The following DOCK3 variants were observed in gnomAD, a reference collection of about 807,000 sequenced individuals.
DOCK3 encodes the protein dedicator of cytokinesis 3, also known as dedicator of cytokinesis protein 3.
In DOCK3, 60 loss-of-function variants were observed where a neutral mutation model predicts 265.6. The ratio of observed to expected loss-of-function variants is 0.23; its 90% CI spans 0.18 to 0.28. The LOEUF (loss-of-function observed/expected upper bound fraction) is 0.28, where lower values mean the gene tolerates loss of function less well. Among genes scored for constraint, DOCK3 ranks in the 10% least tolerant of loss-of-function variants. The pLI, the probability that DOCK3 is intolerant of heterozygous loss-of-function variation, is 1.00. For synonymous variants in DOCK3, 881 were observed against 938.0 expected, an observed-to-expected ratio of 0.94 and a Z score of 1.11; for missense variants, 1,981 against 2,594.3, an observed-to-expected ratio of 0.76 and a Z score of 5.14.
chr3:50,987,804 G>A (rs1033175499), intron 5 of DOCK3, among the ~76,000 whole-genome samples: 1 of 152,182 alleles, frequency 6.6e-6, no homozygotes, highest in African/African-American at 2.4e-5. Context: ...AACTCATGCT[G>A]CTTCCATGGA....
intron 3 of DOCK3, among the ~76,000 whole-genome samples, chr3:50,861,815 G>A (rs565796735): frequency 9.6e-5 from 14 of 145,622 alleles, no homozygotes; most frequent in African/African-American, 3.5e-4. Flanking sequence ...TGAGCCTTTG[G>A]GTGTCATTAC....
At chr3:51,034,846 T>A (rs2080196397) in intron 5 of DOCK3, among the ~76,000 whole-genome samples, 1 of 152,090 alleles carries the variant, frequency 6.6e-6, no homozygotes, top group Non-Finnish European at 1.5e-5. Flanking sequence ...ACAGTCTTTA[T>A]TTCTAGATAT....
intron 14 of DOCK3, among the ~76,000 whole-genome samples, chr3:51,215,454 T>C (rs530154504): frequency 3.2e-4 from 49 of 152,236 alleles, no homozygotes; most frequent in Non-Finnish European, 5.6e-4. Flanking sequence ...AATGCTTTGC[T>C]AAAAGCTTAT....
At chr3:50,946,722 A>G (rs2076438921) in intron 5 of DOCK3, among the ~76,000 whole-genome samples, 3 of 152,342 alleles carry the variant, frequency 2.0e-5, no homozygotes, top group African/African-American at 7.2e-5. Flanking sequence ...TGCTTGTAGC[A>G]GACTGCATTG....
In DOCK3 at chr3:50,675,173, C is replaced by G; in HGVS notation, c.-91C>G. On this transcript the variant is annotated 5_prime_UTR_variant, in exon 1 of 53. Transcript: ENST00000266037. This position sits in a 1 kb window ranked among gnomAD's most constrained non-coding sequence, Gnocchi z 6.1. Reference sequence around the variant, plus strand: ...CCGCGCCGCCTGACCGTCCCCGCCTCGACTCGCGGTGCGCCACAGCCGGGC... The same window carrying G: ...CCGCGCCGCCTGACCGTCCCCGCCTGGACTCGCGGTGCGCCACAGCCGGGC... 2.1e-6 allele frequency: 2 copies of G among 942,852 alleles called. No homozygotes were observed. Among genetic ancestry groups the G allele is most frequent in the South Asian group, 9.8e-5 (2 of 20,492 alleles). 58.4% of individuals were successfully genotyped at this position (942,852 alleles called of 1,614,324 possible). A position where few individuals can be genotyped will look rare whatever the true frequency, so the allele number is the denominator to read the frequency against.
intron 3 of DOCK3, among the ~76,000 whole-genome samples, chr3:50,846,794 T>A (rs185821052): frequency 1.9e-3 from 286 of 152,310 alleles, no homozygotes; most frequent in Admixed American, 3.7e-3. Context: ...TCCAATTTGC[T>A]GTAGATCTTC....
intron 12 of DOCK3, among the ~76,000 whole-genome samples, chr3:51,193,539 G>T (rs2088078844): frequency 6.6e-6 from 1 of 152,058 alleles, no homozygotes; most frequent in African/African-American, 2.4e-5. Context: ...GTATCCATCT[G>T]GTCCTGGGCT....
intron 2 of DOCK3, among the ~76,000 whole-genome samples, chr3:50,836,153 T>C (rs1031476995): frequency 3.3e-5 from 5 of 152,356 alleles, no homozygotes; most frequent in Middle Eastern, 6.8e-3. Context: ...TTCTAATTCC[T>C]GGGGATCCCA....
At chr3:50,840,279 TAA>T (rs2045754428) in intron 2 of DOCK3, among the ~76,000 whole-genome samples, 1 of 152,196 alleles carries the variant, frequency 6.6e-6, no homozygotes, top group South Asian at 2.1e-4. Flanking sequence ...GTGTTGTAGT[TAA>T]AAAGTCATTG....
chr3:51,011,719 G>C (rs1244223343), intron 5 of DOCK3, among the ~76,000 whole-genome samples: 2 of 152,134 alleles, frequency 1.3e-5, no homozygotes, highest in Non-Finnish European at 2.9e-5. Context: ...AGAATTTTCA[G>C]CTTTTCTGCT....
At chr3:51,066,424 A>G (rs1343525177) in intron 6 of DOCK3, among the ~76,000 whole-genome samples, 1 of 152,228 alleles carries the variant, frequency 6.6e-6, no homozygotes, top group Admixed American at 6.5e-5. Flanking sequence ...AGTTCCTCTC[A>G]CAAAAGAATA....
chr3:51,237,140 T>C (rs1268620500), intron 20 of DOCK3, among the ~76,000 whole-genome samples: 1 of 152,190 alleles, frequency 6.6e-6, no homozygotes, highest in African/African-American at 2.4e-5. Context: ...TTCCTCTCTT[T>C]TCCACGTTTT....
At chr3:51,299,979 A>G (rs1002189756) in intron 27 of DOCK3, among the ~76,000 whole-genome samples, 3 of 152,196 alleles carry the variant, frequency 2.0e-5, no homozygotes, top group Admixed American at 2.0e-4. Context: ...TGGGAATAGC[A>G]TTGAATCTAT....
At chr3:50,977,118 T>C (rs1471890282) in intron 5 of DOCK3, among the ~76,000 whole-genome samples, 3 of 151,354 alleles carry the variant, frequency 2.0e-5, no homozygotes, top group African/African-American at 7.3e-5. Flanking sequence ...CTGTGTCTTT[T>C]AATTGGAGCA....
chr3:51,088,962 GCACCGA>G (rs982467520), intron 7 of DOCK3, among the ~76,000 whole-genome samples: 109 of 152,264 alleles, frequency 7.2e-4, no homozygotes, highest in African/African-American at 2.6e-3. Flanking sequence ...TTAGTACCAG[GCACCGA>G]CTTGTGACTT....
chr3:51,091,794 C>T (rs1048761994), intron 9 of DOCK3, among the ~76,000 whole-genome samples: 2 of 151,854 alleles, frequency 1.3e-5, no homozygotes, highest in African/African-American at 4.8e-5. Flanking sequence ...TTCTGCATTT[C>T]AGCCGAGGTA....
intron 1 of DOCK3, among the ~76,000 whole-genome samples, chr3:50,715,194 T>C (rs1183385503): frequency 6.6e-6 from 1 of 152,202 alleles, no homozygotes; most frequent in Non-Finnish European, 1.5e-5. Flanking sequence ...TAATTAACTT[T>C]GCTCGGGTGG....
rs1171033035 is a variant in DOCK3 at position 51,016,536 on chromosome 3, GAT to G, written c.316-47903_316-47902del. Among the ~76,000 whole-genome samples, 65 of 41,000 alleles carry G rather than the reference GAT, an allele frequency of 1.6e-3. 3 individuals are homozygous for G. Among genetic ancestry groups the G allele is most frequent in the South Asian group, 0.016 (13 of 834 alleles). 26.9% of individuals were successfully genotyped at this position (41,000 alleles called of 152,430 possible). ...TATCATATATTTCTATATAATATATGATATATATATTTATATATATCATATAT... is the reference window on the plus strand; with the variant it reads ...TATCATATATTTCTATATAATATATGATATATATTTATATATATCATATAT... On this transcript the variant is annotated intron_variant, in intron 5 of 52. Coordinates refer to ENST00000266037, the MANE Select transcript of DOCK3 (RefSeq NM_004947.5).
intron 3 of DOCK3, among the ~76,000 whole-genome samples, chr3:50,866,268 C>T (rs1278624296): frequency 2.6e-5 from 4 of 151,988 alleles, no homozygotes; most frequent in Non-Finnish European, 4.4e-5. Context: ...GGGCAGATCA[C>T]GAGGTCAGGA....
Sources: gnomAD v4.1 joint callset for allele counts (sites outside exome capture counted in the v4.1 genomes callset) on GRCh38, gnomAD v4.1.1 for gene constraint, Gnocchi (gnomAD v3.1) non-coding constraint, MANE v1.5 for transcripts, NCBI Gene and HGNC (gene_info 2026-07-23, HGNC 2026-07-21) for gene names.